Variants in CREB5 observed in about 807,000 individuals in gnomAD.
CREB5 encodes the protein cAMP responsive element binding protein 5.
A neutral mutation model predicts 57.1 loss-of-function variants in CREB5; 19 were observed. The ratio of observed to expected loss-of-function variants is 0.33; its 90% confidence interval spans 0.23 to 0.49. The LOEUF is 0.49. Among genes scored for constraint, CREB5 ranks in the 20% least tolerant of loss-of-function variants. CREB5 has a pLI of 0.99. For synonymous variants in CREB5, 238 were observed against 238.3 expected, an observed-to-expected ratio of 1.00 and a Z score of 0.01; for missense variants, 579 against 671.6, an observed-to-expected ratio of 0.86 and a Z score of 1.52.
At position 28,641,289 on chromosome 7, in the gene CREB5, C is replaced by A. The variant is rs187135595; in HGVS notation, c.464+70752C>A. Among the ~76,000 whole-genome samples, 4 of 152,298 alleles carry A rather than the reference C, an allele frequency of 2.6e-5. No individual in the cohort carries two copies. In the East Asian group the frequency reaches 5.8e-4, roughly 22 times the overall value. ...AGGGTCATGACAAGGACCACCCCCC[C>A]ATCGGGTGATGGCTGAAGGGACTGT... On this transcript the variant is annotated intron_variant, in intron 5 of 10. Coordinates refer to ENST00000357727, the MANE Select transcript of CREB5 (RefSeq NM_182898.4).
chr7:28,532,463 A>G (rs1384626299), intron 4 of CREB5, among the ~76,000 whole-genome samples: 1 of 152,220 alleles, frequency 6.6e-6, no homozygotes, highest in East Asian at 1.9e-4. Context: ...GAGATCTAAT[A>G]CAGCTCCTGG....
At chr7:28,347,644 G>A (rs1435106762) in intron 1 of CREB5, among the ~76,000 whole-genome samples, 1 of 152,098 alleles carries the variant, frequency 6.6e-6, no homozygotes, top group Non-Finnish European at 1.5e-5. Context: ...CCCCACCCCA[G>A]AGTGTCCAGG....
At chr7:28,321,877 C>T (rs1421499606) in intron 1 of CREB5, among the ~76,000 whole-genome samples, 1 of 152,178 alleles carries the variant, frequency 6.6e-6, no homozygotes, top group South Asian at 2.1e-4. Context: ...GTGTCAGATA[C>T]ATGAAGTTGG....
chr7:28,806,924 G>A (rs921771174), intron 8 of CREB5, among the ~76,000 whole-genome samples: 2 of 152,198 alleles, frequency 1.3e-5, no homozygotes, highest in African/African-American at 4.8e-5. Flanking sequence ...AAAGGAAACA[G>A]TTAAAGGCAA....
chr7:28,326,793 C>T (rs17156588), intron 1 of CREB5, among the ~76,000 whole-genome samples: 4,328 of 152,102 alleles, frequency 0.028, 138 homozygotes, highest in African/African-American at 0.08. Context: ...TTTGGATGTC[C>T]ATACAGTTCT....
chr7:28,816,458 A>G (rs1168739974), intron 9 of CREB5, among the ~76,000 whole-genome samples: 2 of 152,236 alleles, frequency 1.3e-5, no homozygotes, highest in African/African-American at 2.4e-5. Flanking sequence ...TGATTTATTC[A>G]TCATTAAGGC....
At chr7:28,613,333 G>A (rs1475145858) in intron 5 of CREB5, among the ~76,000 whole-genome samples, 1 of 152,222 alleles carries the variant, frequency 6.6e-6, no homozygotes, top group African/African-American at 2.4e-5. Context: ...GCAGGGCCCA[G>A]ATCCTGCCCC....
At chr7:28,612,541 GGGGTGT>G (rs1334820655) in intron 5 of CREB5, among the ~76,000 whole-genome samples, 1 of 118,660 alleles carries the variant, frequency 8.4e-6, no homozygotes, top group African/African-American at 3.3e-5. Context: ...ATTTAGAGAA[GGGGTGT>G]GTGTGTGTGT....
chr7:28,790,450 GAGAGAGAGAGAT>G (rs779259943), intron 7 of CREB5, among the ~76,000 whole-genome samples: 4,717 of 45,112 alleles, frequency 0.1, 108 homozygotes, highest in Middle Eastern at 0.22. Context: ...GAGAGAGAGA[GAGAGAGAGAGAT>G]AGAGAGAGAG....
At chr7:28,374,898 C>A (rs1277078403) in intron 1 of CREB5, among the ~76,000 whole-genome samples, 1 of 152,226 alleles carries the variant, frequency 6.6e-6, no homozygotes, top group Middle Eastern at 3.4e-3. Context: ...TAACAGAGAG[C>A]TCTTCCCTCT....
At chr7:28,632,037 T>C (rs1798225508) in intron 5 of CREB5, among the ~76,000 whole-genome samples, 1 of 152,200 alleles carries the variant, frequency 6.6e-6, no homozygotes, top group Non-Finnish European at 1.5e-5. Flanking sequence ...GCTAAACCCA[T>C]GTCAGAAATT....
In CREB5 at chr7:28,782,943, G is replaced by A. The variant is rs762489500; in HGVS notation, c.703-21256G>A. On this transcript the variant is annotated intron_variant, in intron 7 of 10. Coordinates refer to ENST00000357727, the MANE Select transcript of CREB5 (RefSeq NM_182898.4). ...CTGACATTGTGTTTCATTCTCAAAC[G>A]TGGTGCTGTGTGCATGAAAGACACA... is the stretch of plus-strand genomic sequence containing the variant. Among the ~76,000 whole-genome samples, 3 of 152,240 alleles carry A rather than the reference G, an allele frequency of 2.0e-5. No individual in the cohort carries two copies. In the East Asian group the frequency reaches 5.8e-4, roughly 29 times the overall value.
At chr7:28,528,410 A>G (rs1793541718) in intron 4 of CREB5, among the ~76,000 whole-genome samples, 1 of 152,246 alleles carries the variant, frequency 6.6e-6, no homozygotes, top group Non-Finnish European at 1.5e-5. Context: ...AGTGTGCTAT[A>G]CAAATGAGTA....
chr7:28,471,671 T>C (rs1420954866), intron 1 of CREB5, among the ~76,000 whole-genome samples: 1 of 152,196 alleles, frequency 6.6e-6, no homozygotes, highest in Non-Finnish European at 1.5e-5. Context: ...CCTTAGACGT[T>C]TGTCCAAGGT....
intron 5 of CREB5, among the ~76,000 whole-genome samples, chr7:28,598,053 T>C (rs975725226): frequency 6.6e-6 from 1 of 152,128 alleles, no homozygotes; most frequent in Non-Finnish European, 1.5e-5. Context: ...ACATGTGATA[T>C]GGTTTGGCTG....
intron 2 of CREB5, among the ~76,000 whole-genome samples, chr7:28,491,576 C>T (rs1254948666): frequency 6.6e-6 from 1 of 152,080 alleles, no homozygotes; most frequent in Non-Finnish European, 1.5e-5. Flanking sequence ...CAAGCTTCCC[C>T]CACTTCAGAT....
At chr7:28,646,351 G>A (rs1360512897) in intron 5 of CREB5, among the ~76,000 whole-genome samples, 5 of 151,450 alleles carry the variant, frequency 3.3e-5, no homozygotes, top group Admixed American at 1.3e-4. Context: ...TGGTTAGGGG[G>A]AAAAAAAACA....
At chr7:28,432,413 C>T (rs1193352837) in intron 1 of CREB5, among the ~76,000 whole-genome samples, 1 of 152,190 alleles carries the variant, frequency 6.6e-6, no homozygotes, top group East Asian at 1.9e-4. Context: ...AGTTTTGTGG[C>T]TCTTTTGCAA....
rs1263996453 is a variant in CREB5, at chr7:28,393,839, C to A, written c.-25+94398C>A. On this transcript the variant is annotated intron_variant, in intron 1 of 9. Coordinates refer to the CREB5 transcript ENST00000396299. The stretch of plus-strand genomic sequence containing the variant: ...CCTGTAATCCCAGCACTTTGGGAGG[C>A]CAAGGTAGGTGGATCACCTGAGGTC... 5.3e-5 allele frequency among the ~76,000 whole-genome samples: 8 copies of A among 152,034 alleles called. No individual in the cohort carries two copies. In the East Asian group the frequency reaches 1.5e-3, roughly 29 times the overall value.
Sources: gnomAD v4.1 joint callset for allele counts (sites outside exome capture counted in the v4.1 genomes callset) on GRCh38, gnomAD v4.1.1 for gene constraint, MANE v1.5 for transcripts, NCBI Gene and HGNC (gene_info 2026-07-23, HGNC 2026-07-21) for gene names.